Variants in PRR19 observed in about 807,000 individuals in gnomAD.
PRR19 encodes proline rich 19.
PRR19 carries 9 observed loss-of-function variants against 19.2 expected under a neutral mutation model. The ratio of observed to expected loss-of-function variants is 0.47; its 90% CI spans 0.28 to 0.82. The LOEUF (loss-of-function observed/expected upper bound fraction) is 0.82. Among genes scored for constraint, PRR19 ranks in the 40% least tolerant of loss-of-function variants. PRR19 has a pLI of 0.11. For missense variants in PRR19, 457 were observed against 466.0 expected (o/e 0.98, Z 0.18); for synonymous variants, 190 against 191.0 (o/e 0.99, Z 0.04).
At chr19:42,304,135 C>T (rs1426717939) in intron 1 of PRR19, among the ~76,000 whole-genome samples, 8 of 150,138 alleles carry the variant, frequency 5.3e-5, no homozygotes, top group Admixed American at 4.0e-4. Context: ...AAAAAATTAG[C>T]TAGGCATGGC....
At chr19:42,307,304 A>G (rs1294752263) in intron 1 of PRR19, among the ~76,000 whole-genome samples, 1 of 151,010 alleles carries the variant, frequency 6.6e-6, no homozygotes, top group Non-Finnish European at 1.5e-5. Context: ...TTTCTCTACT[A>G]TCTCTTTCCA....
At chr19:42,306,112 C>T (rs1038071283) in intron 1 of PRR19, among the ~76,000 whole-genome samples, 3 of 152,230 alleles carry the variant, frequency 2.0e-5, no homozygotes, top group African/African-American at 7.2e-5. Context: ...GCCTCCACCT[C>T]CTAGGCTTAA....
chr19:42,309,962 G>A lies in PRR19; in HGVS notation c.378G>A (p.Gln126=), dbSNP rs753588168. The A allele has an allele frequency of 1.2e-6, 2 of 1,613,954 alleles. No homozygotes were observed. Among genetic ancestry groups the A allele is most frequent in the South Asian group, 1.1e-5 (1 of 91,080 alleles). Residue 126 remains glutamine, a synonymous_variant, in exon 2 of 3, where the codon CAG becomes CAA. Transcript: ENST00000341747. ...PAPRSRDKEN[Q]VPGGSGPGPP... ...CACGGTCCAGGGACAAAGAGAACCA[G>A]GTGCCTGGAGGTTCGGGCCCAGGCC...
In PRR19 at chr19:42,309,687, G is replaced by A. The variant is rs1424675552; in HGVS notation, c.103G>A (p.Gly35Ser). The change falls in exon 2 of 3, where the codon GGC (glycine) becomes AGC (serine). Residue 35 changes from glycine to serine, a missense_variant. Coordinates refer to ENST00000341747, the MANE Select transcript of PRR19 (RefSeq NM_199285.3). ...TRRERNKALVGSRRPLAHHDP... is the reference protein window; with the variant it reads ...TRRERNKALVSSRRPLAHHDP... ...GCGGGAACGTAACAAGGCCCTGGTG[G>A]GCAGCCGCCGGCCATTAGCCCACCA... 3 of 1,602,352 alleles carry A rather than the reference G, an allele frequency of 1.9e-6. No homozygotes were observed. Among genetic ancestry groups the A allele is most frequent in the Non-Finnish European group, 2.6e-6 (3 of 1,171,902 alleles).
rs141255938 is a variant in PRR19 at position 42,309,804 on chromosome 19, C to T, written c.220C>T (p.Arg74Trp). The change falls in exon 2 of 3, where the codon CGG becomes TGG. Residue 74 changes from arginine (R) to tryptophan (W), a missense_variant. By Grantham distance (101) the Arg-to-Trp change is moderately radical (BLOSUM62 -3). Coordinates refer to ENST00000341747, the MANE Select transcript of PRR19 (RefSeq NM_199285.3). ...CCAGGGCCGGCTGAGCCGGGAGCACCGGGGTCTCTTCAACCACGAGGTGAA... is the reference window on the plus strand; with the variant it reads ...CCAGGGCCGGCTGAGCCGGGAGCACTGGGGTCTCTTCAACCACGAGGTGAA... ...ITQGRLSREH[R>W]GLFNHEVKSL... is the part of the protein sequence containing the mutation. The T allele has an allele frequency of 1.4e-4, 218 of 1,614,050 alleles. No individual in the cohort carries two copies. In the African/African-American group the frequency reaches 1.9e-3, roughly 14 times the overall value.
chr19:42,310,105 T>A lies in PRR19; in HGVS notation c.521T>A (p.Ile174Asn), dbSNP rs1449403943. Reference sequence around the variant, plus strand: ...CTGATTCAGGATGCCAGGGATGCCATCGTGCACACCTTGCAGGCCTGTCAT... The same window carrying A: ...CTGATTCAGGATGCCAGGGATGCCAACGTGCACACCTTGCAGGCCTGTCAT... ...RNLIQDARDA[I>N]VHTLQACHGC... Residue 174 changes from isoleucine (I) to asparagine (N), a missense_variant, in exon 2 of 3, where the codon ATC becomes AAC. By Grantham distance (149) the Ile-to-Asn change is moderately radical (BLOSUM62 -3). Coordinates refer to ENST00000341747, the MANE Select transcript of PRR19 (RefSeq NM_199285.3). 29 of 1,614,074 alleles carry A rather than the reference T, an allele frequency of 1.8e-5. No individual in the cohort carries two copies. Among genetic ancestry groups the A allele is most frequent in the Non-Finnish European group, 2.5e-5 (29 of 1,180,014 alleles).
In PRR19 at chr19:42,302,271, C is replaced by A. The variant is rs563279266; in HGVS notation, c.-239C>A. On this transcript the variant is annotated 5_prime_UTR_variant, in exon 1 of 3. Transcript: ENST00000341747. The stretch of plus-strand genomic sequence containing the variant: ...GCCCGTCGCCCTGTACGTCCTGCAC[C>A]GGCGTGGGCTTGCTGGCTGGGTTCT... 73 of 1,607,294 alleles carry A rather than the reference C, an allele frequency of 4.5e-5. No individual in the cohort carries two copies. The South Asian group carries it at 7.1e-4, about 16-fold the overall frequency.
At chr19:42,304,488 C>T (rs1380175354) in intron 1 of PRR19, among the ~76,000 whole-genome samples, 1 of 149,922 alleles carries the variant, frequency 6.7e-6, no homozygotes, top group African/African-American at 2.5e-5. Context: ...CGCGGTGGCT[C>T]ACGCCTGTAA....
In PRR19 at chr19:42,310,593, C is replaced by T. The variant is rs1266562296; in HGVS notation, c.924C>T (p.Pro308=). 1 of 1,614,130 alleles carries T rather than the reference C, an allele frequency of 6.2e-7. No individual in the cohort carries two copies. Among genetic ancestry groups the T allele is most frequent in the East Asian group, 2.2e-5 (1 of 44,880 alleles). ...CCTGGGGGGTTGGCCTCCCTCAGCC[C>T]CTGCCTCAGCCTTCATCACCCCTGT... The part of the protein sequence containing the change: ...PRPWGVGLPQ[P]LPQPSSPLLP... The change falls in exon 3 of 3, where the codon CCC becomes CCT. Residue 308 remains proline (P), a synonymous_variant. Transcript: ENST00000341747.
chr19:42,302,393 C>G lies in PRR19; in HGVS notation c.-117C>G, dbSNP rs1038814506. On this transcript the variant is annotated 5_prime_UTR_variant, in exon 1 of 3. Transcript: ENST00000341747. ...CGGAGCTGGCTCCGCCACGCCCACT[C>G]CTACCCCTCGCGGCAACAAAGGACC... The G allele has an allele frequency of 3.0e-5, 38 of 1,261,292 alleles. No homozygotes were observed. Among genetic ancestry groups the G allele is most frequent in the Non-Finnish European group, 3.8e-5 (35 of 911,884 alleles). The allele number at this position is 1,261,292 out of a possible 1,614,324, so 78.1% of individuals were successfully genotyped here. A position where few individuals can be genotyped will look rare whatever the true frequency, so the allele number is the denominator to read the frequency against.
rs1488669882 is a variant in PRR19 at position 42,310,013 on chromosome 19, C to T, written c.429C>T (p.Gly143=). ...PGPPSSPELS[G]VGQLLAELQC... is the part of the protein sequence containing the mutation. ...CACCCAGTTCCCCAGAGTTGTCTGG[C>T]GTGGGGCAGCTGCTGGCAGAGCTGC... Residue 143 remains glycine, a synonymous_variant, in exon 2 of 3, where the codon GGC becomes GGT. Coordinates refer to ENST00000341747, the MANE Select transcript of PRR19 (RefSeq NM_199285.3). 5.6e-6 allele frequency: 9 copies of T among 1,614,060 alleles called. No homozygotes were observed. The Middle Eastern group carries it at 5.0e-4, about 89-fold the overall frequency.
At chr19:42,307,634 C>T (rs1455964989) in intron 1 of PRR19, among the ~76,000 whole-genome samples, 3 of 151,482 alleles carry the variant, frequency 2.0e-5, no homozygotes, top group Non-Finnish European at 4.4e-5. Flanking sequence ...CGAGGTTTCA[C>T]ATGTTGCCCA....
intron 1 of PRR19, chr19:42,302,816 G>A (rs946482953): frequency 1.6e-5 from 2 of 124,626 alleles, no homozygotes; most frequent in African/African-American, 6.0e-5. Context: ...CGGGGGGGGG[G>A]GTGACCCATT....
intron 1 of PRR19, among the ~76,000 whole-genome samples, chr19:42,306,288 C>T (rs1482297562): frequency 6.6e-6 from 1 of 152,254 alleles, no homozygotes; most frequent in East Asian, 1.9e-4. Flanking sequence ...ATTCTCCTGC[C>T]TCAGCCTCCC....
chr19:42,309,622 A>T lies in PRR19; in HGVS notation c.38A>T (p.Gln13Leu). 3 of 1,539,790 alleles carry T rather than the reference A, an allele frequency of 1.9e-6. No individual in the cohort carries two copies. Among genetic ancestry groups the T allele is most frequent in the Non-Finnish European group, 2.6e-6 (3 of 1,140,068 alleles). ...GGACCAGTCTCCCAGCCTTTTCAGC[A>T]GCCTGAGAAACCTGGTCGTGTCCGT... ...TQGPVSQPFQ[Q>L]PEKPGRVRRR... The change falls in exon 2 of 3, where the codon CAG (glutamine) becomes CTG (leucine). Residue 13 changes from glutamine to leucine, a missense_variant. By Grantham distance (113) the Gln-to-Leu change is moderately radical (BLOSUM62 -2). Transcript: ENST00000341747.
chr19:42,308,283 G>C (rs1451561320), intron 1 of PRR19, among the ~76,000 whole-genome samples: 2 of 151,656 alleles, frequency 1.3e-5, no homozygotes, highest in Non-Finnish European at 2.9e-5. Context: ...CTGGGGCACA[G>C]TGATGCAATC....
Position 42,309,889 on chromosome 19 carries a change from TC to T in PRR19, c.309del (p.Ala104ProfsTer52). 1 of 1,613,526 alleles carries T rather than the reference TC, an allele frequency of 6.2e-7. No homozygotes were observed. Among genetic ancestry groups the T allele is most frequent in the Non-Finnish European group, 8.5e-7 (1 of 1,179,908 alleles). On this transcript the variant is annotated frameshift_variant, in exon 2 of 3. Coordinates refer to ENST00000341747, the MANE Select transcript of PRR19 (RefSeq NM_199285.3). LOFTEE classifies it high-confidence loss of function. ...ACCCTGGTGCCAGGCAGCCCCACACTCCCCGCCAAGCCCTCCCCAAGCCCAG... is the reference window on the plus strand; with the variant it reads ...ACCCTGGTGCCAGGCAGCCCCACACTCCCGCCAAGCCCTCCCCAAGCCCAG... Reference protein sequence around the residue: ...SGTLVPGSPTLPAKPSPSPGR... With the variant: ...SGTLVPGSPTXPAKPSPSPGR...
At chr19:42,307,844 G>A (rs1338968210) in intron 1 of PRR19, among the ~76,000 whole-genome samples, 3 of 132,558 alleles carry the variant, frequency 2.3e-5, no homozygotes, top group Non-Finnish European at 4.6e-5. Flanking sequence ...TGCAAGCTCC[G>A]CCTCCTGGGT....
chr19:42,302,353 C>G lies in PRR19; in HGVS notation c.-157C>G, dbSNP rs1475006671. 5.9e-6 allele frequency: 9 copies of G among 1,536,254 alleles called. No individual in the cohort carries two copies. Among genetic ancestry groups the G allele is most frequent in the African/African-American group, 2.7e-5 (2 of 73,336 alleles). The stretch of plus-strand genomic sequence containing the variant: ...GCAGGATGAGCGAGTCGGGTCGGCC[C>G]GGGAGTGTTCCGAACGGAGCTGGCT... On this transcript the variant is annotated 5_prime_UTR_variant, in exon 1 of 3. Coordinates refer to ENST00000341747, the MANE Select transcript of PRR19 (RefSeq NM_199285.3).
Sources: allele counts gnomAD v4.1 joint callset (sites outside exome capture counted in the v4.1 genomes callset), GRCh38; gene constraint gnomAD v4.1.1; transcripts MANE v1.5; gene names NCBI Gene and HGNC (gene_info 2026-07-23, HGNC 2026-07-21).